Variants in TRAPPC11 observed in about 807,000 individuals in gnomAD.
TRAPPC11 encodes the protein trafficking protein particle complex subunit 11.
TRAPPC11 carries 104 observed loss-of-function variants against 151.2 expected under a neutral mutation model. That is an observed-to-expected ratio of 0.69 (90% confidence interval 0.59 to 0.81). TRAPPC11 has a LOEUF of 0.81. Ranked by LOEUF, TRAPPC11 falls within the 30% of genes least tolerant of loss-of-function variation. TRAPPC11 has a pLI of 0.00. For synonymous variants in TRAPPC11, 456 were observed against 472.3 expected, an observed-to-expected ratio of 0.97 and a Z score of 0.45; for missense variants, 1,230 against 1,349.6, an observed-to-expected ratio of 0.91 and a Z score of 1.39.
At position 183,684,324 on chromosome 4, in the gene TRAPPC11, A is replaced by G. The variant is rs1472252242; in HGVS notation, c.1386A>G (p.Glu462=). ...TTATAGTGGTTCAGATGGGAGAGGAATATTATTACGCAAAGGATTATACCA... is the reference window on the plus strand; with the variant it reads ...TTATAGTGGTTCAGATGGGAGAGGAGTATTATTACGCAAAGGATTATACCA... The part of the protein sequence containing the change: ...KSHLMVQMGE[E]YYYAKDYTKA... Residue 462 remains glutamate, a synonymous_variant, in exon 14 of 30, where the codon GAA becomes GAG. Transcript: ENST00000334690. 7 of 1,613,776 alleles carry G rather than the reference A, an allele frequency of 4.3e-6. No homozygotes were observed. Among genetic ancestry groups the G allele is most frequent in the Non-Finnish European group, 5.9e-6 (7 of 1,179,720 alleles).
At chr4:183,707,662 A>G (rs1172308368) in intron 28 of TRAPPC11, among the ~76,000 whole-genome samples, 1 of 152,222 alleles carries the variant, frequency 6.6e-6, no homozygotes, top group Non-Finnish European at 1.5e-5. Flanking sequence ...ACTGCTCTGC[A>G]TATTCTGAGT....
chr4:183,711,073 A>G (rs2111111006), intron 29 of TRAPPC11, among the ~76,000 whole-genome samples: 2 of 152,044 alleles, frequency 1.3e-5, no homozygotes, highest in Middle Eastern at 3.4e-3. Context: ...TATAGTGTAC[A>G]TATTTCAAAA....
rs767397623 is a variant in TRAPPC11 at position 183,684,146 on chromosome 4, A to C, written c.1289A>C (p.Glu430Ala). The C allele has an allele frequency of 6.2e-7, 1 of 1,613,300 alleles. No homozygotes were observed. The highest frequency in any genetic ancestry group is 8.5e-7 in the Non-Finnish European group (1 of 1,179,388). The change falls in exon 13 of 30, where the codon GAG becomes GCG. Residue 430 changes from glutamate (E) to alanine (A), a missense_variant and splice_region_variant. Transcript: ENST00000334690. The stretch of plus-strand genomic sequence containing the variant: ...TTCACACTCTACTTTTTCTAATAGG[A>C]GATAATCATAACTCTTCTGAGCAAT... Reference protein sequence around the residue: ...QLKERNVVHSEIIITLLSNAV... With the variant: ...QLKERNVVHSAIIITLLSNAV...
intron 5 of TRAPPC11, among the ~76,000 whole-genome samples, chr4:183,669,551 A>C (rs1035512131): frequency 6.6e-6 from 1 of 152,204 alleles, no homozygotes; most frequent in Non-Finnish European, 1.5e-5. Flanking sequence ...CCTTCATTAG[A>C]AAGCTGTTGT....
At chr4:183,705,164 A>G in intron 27 of TRAPPC11, 94 bp downstream of exon 27, 2 of 912,570 alleles carry the variant, frequency 2.2e-6, no homozygotes, top group Admixed American at 4.0e-5. Context: ...TTCTATTTAG[A>G]AAGTTTTTCA....
At chr4:183,673,295 A>G (rs772058773) in intron 5 of TRAPPC11, among the ~76,000 whole-genome samples, 1 of 152,150 alleles carries the variant, frequency 6.6e-6, no homozygotes, top group Non-Finnish European at 1.5e-5. Flanking sequence ...AGGTTAATAC[A>G]TTCCTTCACA....
At chr4:183,702,383 T>C (rs1306746683) in intron 26 of TRAPPC11, among the ~76,000 whole-genome samples, 1 of 142,604 alleles carries the variant, frequency 7.0e-6, no homozygotes, top group Non-Finnish European at 1.5e-5. Context: ...TTGATTGCAA[T>C]AGGAAAAAAA....
chr4:183,688,919 TG>T (rs1365979709), intron 18 of TRAPPC11, among the ~76,000 whole-genome samples: 1 of 152,148 alleles, frequency 6.6e-6, no homozygotes, highest in Non-Finnish European at 1.5e-5. Flanking sequence ...AGCTAATTTT[TG>T]TATTTTTTTA....
Position 183,711,008 on chromosome 4 carries a change from G to A in TRAPPC11, c.3358-1592G>A, listed in dbSNP as rs561594145. On this transcript the variant is annotated intron_variant, in intron 29 of 29. Transcript: ENST00000334690. ...ACCATGCCATTGCACTCCAGCCTGG[G>A]CAACAGAATGAGATGCTGTCTCAAA... 2.0e-5 allele frequency among the ~76,000 whole-genome samples: 3 copies of A among 151,858 alleles called. No homozygotes were observed. The South Asian group carries it at 6.2e-4, about 32-fold the overall frequency.
At chr4:183,694,092 A>G in intron 22 of TRAPPC11, 54 bp downstream of exon 22, 1 of 1,589,814 alleles carries the variant, frequency 6.3e-7, no homozygotes, top group Non-Finnish European at 8.6e-7. Context: ...GTAGTTTTAA[A>G]TATATAGTGA....
intron 18 of TRAPPC11, among the ~76,000 whole-genome samples, chr4:183,689,534 C>T (rs1465875170): frequency 6.6e-6 from 1 of 151,652 alleles, no homozygotes; most frequent in African/African-American, 2.4e-5. Context: ...CCTGTTTTTC[C>T]TTACTGGAAT....
chr4:183,669,256 A>G (rs1735029892), intron 5 of TRAPPC11, among the ~76,000 whole-genome samples: 1 of 152,252 alleles, frequency 6.6e-6, no homozygotes, highest in Non-Finnish European at 1.5e-5. Context: ...GGAAAAGAAT[A>G]AATGAGTTTT....
intron 27 of TRAPPC11, among the ~76,000 whole-genome samples, chr4:183,705,559 A>T (rs1257358086): frequency 6.6e-6 from 1 of 151,522 alleles, no homozygotes. Flanking sequence ...CCCACCATTA[A>T]CCCCTGCATC....
chr4:183,673,901 A>C (rs919385241), intron 5 of TRAPPC11, among the ~76,000 whole-genome samples: 12 of 152,106 alleles, frequency 7.9e-5, no homozygotes, highest in African/African-American at 2.9e-4. Flanking sequence ...GTTCCTATGT[A>C]AGTTATAGAA....
chr4:183,707,612 A>G (rs999167446), intron 28 of TRAPPC11, among the ~76,000 whole-genome samples: 5 of 152,206 alleles, frequency 3.3e-5, no homozygotes, highest in Non-Finnish European at 1.5e-5. Flanking sequence ...TAGAGAACAT[A>G]TGTGTCTTAA....
intron 19 of TRAPPC11, 24 bp downstream of exon 19, chr4:183,691,495 AAT>A: frequency 7.6e-7 from 1 of 1,313,256 alleles, no homozygotes; most frequent in Non-Finnish European, 1.0e-6. Flanking sequence ...TTTGTTTTAA[AAT>A]ATTTTTAATA....
In TRAPPC11 at chr4:183,693,163, T is replaced by C. The variant is rs1736343617; in HGVS notation, c.2237+16T>C. 1 of 1,562,830 alleles carries C rather than the reference T, an allele frequency of 6.4e-7. No individual in the cohort carries two copies. Among genetic ancestry groups the C allele is most frequent in the African/African-American group, 1.4e-5 (1 of 72,852 alleles). On this transcript the variant is annotated intron_variant, in intron 20 of 29. Coordinates refer to ENST00000334690, the MANE Select transcript of TRAPPC11 (RefSeq NM_021942.6). ...CAAGCACAATGTAAGTCTGCTTTGC[T>C]AAGCTGATATTAAAGGTCATCCTCT...
At chr4:183,686,811 A>G in intron 18 of TRAPPC11, 63 bp downstream of exon 18, 3 of 1,560,048 alleles carry the variant, frequency 1.9e-6, no homozygotes, top group South Asian at 1.1e-5. Context: ...GTTAAACTAG[A>G]TAAAATGAGC....
rs12642166 is a variant in TRAPPC11, at chr4:183,713,588, A to G, written c.*944A>G. ...GATGTAAATAAACATGTTCTCTTTC[A>G]AGTATGCTTGTCTGTCTCTATCTTT... On this transcript the variant is annotated 3_prime_UTR_variant, in exon 30 of 30. Coordinates refer to ENST00000334690, the MANE Select transcript of TRAPPC11 (RefSeq NM_021942.6). The G allele has an allele frequency of 0.059, 9,064 of 152,760 alleles. 344 individuals carry two copies. Among genetic ancestry groups the G allele is most frequent in the East Asian group, 0.13 (687 of 5,194 alleles). The allele number at this position is 152,760 out of a possible 1,614,324, so 9.5% of individuals were successfully genotyped here.
Sources: gnomAD v4.1 joint callset for allele counts (sites outside exome capture counted in the v4.1 genomes callset) on GRCh38, gnomAD v4.1.1 for gene constraint, MANE v1.5 for transcripts, NCBI Gene and HGNC (gene_info 2026-07-23, HGNC 2026-07-21) for gene names.